HIVEP3: variants seen among roughly 807,000 people sequenced by gnomAD.
The protein encoded by HIVEP3 is HIVEP zinc finger 3, also known as transcription factor HIVEP3.
In HIVEP3, 49 loss-of-function variants were observed where a neutral mutation model predicts 152.8. That is an observed-to-expected ratio of 0.32 (90% CI 0.26 to 0.41). The LOEUF (loss-of-function observed/expected upper bound fraction) is 0.41, where lower values mean the gene tolerates loss of function less well. HIVEP3 is among the 10% of genes least tolerant of loss of function. The probability of loss-of-function intolerance (pLI) is 1.00; values close to 1 mark genes in which losing one functional copy is unlikely to be tolerated. For synonymous variants in HIVEP3, 1,269 were observed against 1,289.0 expected, an observed-to-expected ratio of 0.98 and a Z score of 0.33; for missense variants, 2,790 against 3,103.3, an observed-to-expected ratio of 0.90 and a Z score of 2.40.
chr1:41,978,420 TAAG>T (rs1285289640), intron 1 of HIVEP3, among the ~76,000 whole-genome samples: 2 of 152,112 alleles, frequency 1.3e-5, no homozygotes, highest in Non-Finnish European at 2.9e-5. Flanking sequence ...GGTGTCCTTA[TAAG>T]AAGAGGAGGA....
At chr1:41,816,036 A>T (rs190726595) in intron 1 of HIVEP3, among the ~76,000 whole-genome samples, 1 of 152,096 alleles carries the variant, frequency 6.6e-6, no homozygotes, top group South Asian at 2.1e-4. Flanking sequence ...AGCATCCTAA[A>T]CTAATCAAGG....
At chr1:41,624,164 TCTC>T (rs1441852391) in intron 3 of HIVEP3, among the ~76,000 whole-genome samples, 1 of 151,762 alleles carries the variant, frequency 6.6e-6, no homozygotes, top group Admixed American at 6.6e-5. Flanking sequence ...CCTCCCCATC[TCTC>T]CTCCTTCCTC....
At chr1:41,610,995 C>A (rs1644888944) in intron 3 of HIVEP3, among the ~76,000 whole-genome samples, 1 of 152,190 alleles carries the variant, frequency 6.6e-6, no homozygotes, top group Non-Finnish European at 1.5e-5. Flanking sequence ...TCTTGCAGTT[C>A]ATACAGGCTT....
intron 5 of HIVEP3, among the ~76,000 whole-genome samples, chr1:41,573,154 A>C (rs1303297121): frequency 6.6e-6 from 1 of 152,230 alleles, no homozygotes; most frequent in Non-Finnish European, 1.5e-5. Context: ...TTAAAAAAGA[A>C]AGAAAAAAAA....
chr1:41,985,732 A>G (rs543490703), intron 1 of HIVEP3, among the ~76,000 whole-genome samples: 2 of 152,194 alleles, frequency 1.3e-5, no homozygotes, highest in Non-Finnish European at 2.9e-5. Context: ...AGGAACAGCA[A>G]TAGCTAGAAG....
intron 1 of HIVEP3, among the ~76,000 whole-genome samples, chr1:41,783,194 C>A (rs1315575312): frequency 1.3e-5 from 2 of 152,096 alleles, no homozygotes; most frequent in Non-Finnish European, 2.9e-5. Context: ...ACATGGTAAG[C>A]CCTTGGCAGA....
rs377407249 is a variant in HIVEP3 at position 41,581,270 on chromosome 1, G to A, written c.3528C>T (p.Tyr1176=). 12 of 1,604,980 alleles carry A rather than the reference G, an allele frequency of 7.5e-6. No individual in the cohort carries two copies. In the South Asian group the frequency reaches 1.1e-4, roughly 15 times the overall value. Residue 1176 remains tyrosine, a synonymous_variant, in exon 4 of 9, where the codon TAC becomes TAT. Coordinates refer to ENST00000372583, the MANE Select transcript of HIVEP3 (RefSeq NM_024503.5). The surrounding 1 kb of genome is among the most constrained non-coding windows in gnomAD (Gnocchi z 4.5). ...QAMSSLLSSP[Y]SMPPLPPSLF... is the part of the protein sequence containing the mutation. ...AGGAGGGAGGAAGTGGGGGCATGGAGTATGGTGAGGACAGGAGGCTGGACA... is the reference window on the plus strand; with the variant it reads ...AGGAGGGAGGAAGTGGGGGCATGGAATATGGTGAGGACAGGAGGCTGGACA...
chr1:41,870,026 G>A (rs908648965), intron 1 of HIVEP3, among the ~76,000 whole-genome samples: 2 of 152,270 alleles, frequency 1.3e-5, no homozygotes, highest in African/African-American at 2.4e-5. Context: ...GATTTGAAAC[G>A]GAGCAGAATG....
rs1322300810 is a variant in HIVEP3, at chr1:41,582,426, C to T, written c.2372G>A (p.Arg791Lys). The T allele has an allele frequency of 6.2e-7, 1 of 1,614,222 alleles. No homozygotes were observed. The highest frequency in any genetic ancestry group is 8.5e-7 in the Non-Finnish European group (1 of 1,180,030). ...GACAGAAATTTCTTTGGACGTTGTTCTCCTCTCCTTCCCTGATTCTGAACC... is the reference window on the plus strand; with the variant it reads ...GACAGAAATTTCTTTGGACGTTGTTTTCCTCTCCTTCCCTGATTCTGAACC... ...GSGSESGKER[R>K]TTSKEISVIQ... Residue 791 changes from arginine to lysine, a missense_variant, in exon 4 of 9, where the codon AGA becomes AAA. Coordinates refer to ENST00000372583, the MANE Select transcript of HIVEP3 (RefSeq NM_024503.5). This position sits in a 1 kb window ranked among gnomAD's most constrained non-coding sequence, Gnocchi z 4.7.
intron 1 of HIVEP3, among the ~76,000 whole-genome samples, chr1:41,954,335 A>G (rs12067249): frequency 0.015 from 2,338 of 152,390 alleles, 58 homozygotes; most frequent in African/African-American, 0.054. Flanking sequence ...TAGCATGCAT[A>G]AAAGGACAGT....
At chr1:41,982,196 G>A (rs562334747) in intron 1 of HIVEP3, among the ~76,000 whole-genome samples, 6 of 152,264 alleles carry the variant, frequency 3.9e-5, no homozygotes, top group South Asian at 4.2e-4. Context: ...CATCATCCAC[G>A]TCAAAGGGGC....
chr1:41,872,015 G>C (rs904597088), intron 1 of HIVEP3, among the ~76,000 whole-genome samples: 11 of 152,092 alleles, frequency 7.2e-5, no homozygotes, highest in Non-Finnish European at 1.5e-4. Flanking sequence ...GTGAACAGTG[G>C]GTTTTGACAA....
chr1:41,586,910 C>T (rs74855566), intron 3 of HIVEP3, among the ~76,000 whole-genome samples: 1,925 of 152,016 alleles, frequency 0.013, 54 homozygotes, highest in African/African-American at 0.043. Flanking sequence ...ATAAGAATAA[C>T]AAATCAGAAC....
intron 3 of HIVEP3, among the ~76,000 whole-genome samples, chr1:41,598,794 C>T (rs1644703555): frequency 7.5e-6 from 1 of 133,768 alleles, no homozygotes; most frequent in Non-Finnish European, 1.6e-5. Flanking sequence ...CCCACACATA[C>T]AGTCACATGA....
At chr1:41,928,744 T>C (rs1644980512) in intron 1 of HIVEP3, among the ~76,000 whole-genome samples, 1 of 152,218 alleles carries the variant, frequency 6.6e-6, no homozygotes, top group Admixed American at 6.5e-5. Flanking sequence ...TGGGTTTGTC[T>C]GATGTTTTTT....
chr1:41,792,266 C>T (rs866241477), intron 1 of HIVEP3, among the ~76,000 whole-genome samples: 6 of 152,292 alleles, frequency 3.9e-5, no homozygotes, highest in Admixed American at 6.5e-5. Flanking sequence ...GGATTCTGGC[C>T]CAAGGGGCAG....
chr1:41,810,734 T>C (rs1249768323), intron 1 of HIVEP3, among the ~76,000 whole-genome samples: 2 of 152,272 alleles, frequency 1.3e-5, no homozygotes, highest in African/African-American at 2.4e-5. Flanking sequence ...AGTTTATATA[T>C]GGTTACAGTC....
intron 1 of HIVEP3, among the ~76,000 whole-genome samples, chr1:41,716,635 G>A (rs1347003379): frequency 6.6e-6 from 1 of 152,206 alleles, no homozygotes; most frequent in Admixed American, 6.5e-5. Context: ...CAAAGCTGGG[G>A]GATGGGACAG....
intron 1 of HIVEP3, among the ~76,000 whole-genome samples, chr1:42,019,847 A>G (rs1404843799): frequency 6.6e-6 from 1 of 152,074 alleles, no homozygotes; most frequent in Non-Finnish European, 1.5e-5. Flanking sequence ...GATGTTTAAG[A>G]TATTTTTAGG....
Sources: gnomAD v4.1 joint callset for allele counts (sites outside exome capture counted in the v4.1 genomes callset) on GRCh38, gnomAD v4.1.1 for gene constraint, Gnocchi (gnomAD v3.1) non-coding constraint, MANE v1.5 for transcripts, NCBI Gene and HGNC (gene_info 2026-07-23, HGNC 2026-07-21) for gene names.